The following PCDHGC4 variants were observed in gnomAD, a reference collection of about 807,000 sequenced individuals.
PCDHGC4 encodes the protein protocadherin gamma subfamily C, 4.
A neutral mutation model predicts 59.7 loss-of-function variants in PCDHGC4; 15 were observed. The ratio of observed to expected loss-of-function variants is 0.25; its 90% CI spans 0.17 to 0.39. PCDHGC4 has a LOEUF of 0.39. PCDHGC4 is among the 10% of genes least tolerant of loss of function. The pLI is 1.00. For synonymous variants in PCDHGC4, 434 were observed against 481.4 expected, an observed-to-expected ratio of 0.90 and a Z score of 1.29; for missense variants, 1,016 against 1,189.5, an observed-to-expected ratio of 0.85 and a Z score of 2.15.
chr5:141,486,803 C>T lies in PCDHGC4; in HGVS notation c.1630C>T (p.Pro544Ser). 1 of 1,614,228 alleles carries T rather than the reference C, an allele frequency of 6.2e-7. No homozygotes were observed. Among genetic ancestry groups the T allele is most frequent in the South Asian group, 1.1e-5 (1 of 91,084 alleles). ...GCAGGCCCGGGATCGGGGCAACCCACCCCTTAGCAGCACTGTAACAGTTCG... is the reference window on the plus strand; with the variant it reads ...GCAGGCCCGGGATCGGGGCAACCCATCCCTTAGCAGCACTGTAACAGTTCG... ...EVQARDRGNP[P>S]LSSTVTVRLF... Residue 544 changes from proline to serine, a missense_variant, in exon 1 of 4, where the codon CCC (proline) becomes TCC (serine). Coordinates refer to ENST00000306593, the MANE Select transcript of PCDHGC4 (RefSeq NM_018928.3). The surrounding 1 kb of genome is among the most constrained non-coding windows in gnomAD (Gnocchi z 5.0).
chr5:141,507,196 CCAGAT>C (rs2099859095), intron 3 of PCDHGC4: 1 of 152,374 alleles, frequency 6.6e-6, no homozygotes, highest in Non-Finnish European at 1.5e-5. Context: ...CTTTATTCTT[CCAGAT>C]CAGGGTTGCC....
rs2099884060 is a variant in PCDHGC4 at position 141,512,057 on chromosome 5, A to T, written c.*884A>T. 1 of 152,768 alleles carries T rather than the reference A, an allele frequency of 6.5e-6. No individual in the cohort carries two copies. Among genetic ancestry groups the T allele is most frequent in the South Asian group, 2.1e-4 (1 of 4,832 alleles). 9.5% of individuals were successfully genotyped at this position (152,768 alleles called of 1,614,324 possible). ...GGCTCTGTATGTCCTCAGGGGACTG[A>T]CAACATCCTCCAGATTCCAGCCATA... is the stretch of plus-strand genomic sequence containing the variant. On this transcript the variant is annotated 3_prime_UTR_variant, in exon 4 of 4. Coordinates refer to ENST00000306593, the MANE Select transcript of PCDHGC4 (RefSeq NM_018928.3).
intron 3 of PCDHGC4, chr5:141,507,000 TGA>T (rs1235660361): frequency 1.3e-5 from 2 of 152,218 alleles, no homozygotes; most frequent in African/African-American, 4.8e-5. Flanking sequence ...ACTCGACAGA[TGA>T]GAGAACCGAG....
rs377060474 is a variant in PCDHGC4, at chr5:141,487,810, C to A, written c.2442+195C>A. The A allele has an allele frequency of 7.4e-4, 1,055 of 1,417,844 alleles. 13 individuals carry two copies. In the South Asian group the frequency reaches 0.013, roughly 17 times the overall value. The allele number at this position is 1,417,844 out of a possible 1,614,324, so 87.8% of individuals were successfully genotyped here. A position where few individuals can be genotyped will look rare whatever the true frequency, so the allele number is the denominator to read the frequency against. ...ATTAACCAGAGTTGTCACAGTTTAG[C>A]ATTGGGGGCGGGTCATGCCTATATC... On this transcript the variant is annotated intron_variant, in intron 1 of 3. Transcript: ENST00000306593. The surrounding 1 kb of genome is among the most constrained non-coding windows in gnomAD (Gnocchi z 5.0).
At position 141,490,341 on chromosome 5, in the gene PCDHGC4, A is replaced by C. The variant is rs778299384; in HGVS notation, c.2442+2726A>C. ...TCCTAGAGAGCACACCAGTGGGCACAGTAGTGGGGTTGTTTAATGTGCGAG... is the reference window on the plus strand; with the variant it reads ...TCCTAGAGAGCACACCAGTGGGCACCGTAGTGGGGTTGTTTAATGTGCGAG... On this transcript the variant is annotated intron_variant, in intron 1 of 3. Coordinates refer to ENST00000306593, the MANE Select transcript of PCDHGC4 (RefSeq NM_018928.3). This position sits in a 1 kb window ranked among gnomAD's most constrained non-coding sequence, Gnocchi z 5.4. The C allele has an allele frequency of 5.0e-6, 8 of 1,614,204 alleles. No homozygotes were observed. The South Asian group carries it at 8.8e-5, about 18-fold the overall frequency.
intron 3 of PCDHGC4, 40 bp downstream of exon 3, chr5:141,505,521 T>C: frequency 1.9e-6 from 3 of 1,612,684 alleles, no homozygotes; most frequent in Non-Finnish European, 2.5e-6. Context: ...GTGGGAGACC[T>C]GGGGTTCTGG....
Position 141,486,494 on chromosome 5 carries a change from A to G in PCDHGC4, c.1321A>G (p.Ile441Val), listed in dbSNP as rs375607204. 9.3e-6 allele frequency: 15 copies of G among 1,614,058 alleles called. No individual in the cohort carries two copies. The highest frequency in any genetic ancestry group is 1.3e-5 in the Non-Finnish European group (15 of 1,179,958). ...GNPPLSTHRTIFLNISDVNDN... is the reference protein window; with the variant it reads ...GNPPLSTHRTVFLNISDVNDN... ...CCCTCCTCTCAGTACCCACAGAACT[A>G]TTTTCCTCAATATTTCAGATGTGAA... Residue 441 changes from isoleucine to valine, a missense_variant, in exon 1 of 4, where the codon ATT (isoleucine) becomes GTT (valine). Physicochemically the swap from Ile to Val is conservative, Grantham distance 29 (BLOSUM62 3). Transcript: ENST00000306593. The surrounding 1 kb of genome is among the most constrained non-coding windows in gnomAD (Gnocchi z 5.0).
chr5:141,489,174 C>A lies in PCDHGC4; in HGVS notation c.2442+1559C>A. On this transcript the variant is annotated intron_variant, in intron 1 of 3. Coordinates refer to ENST00000306593, the MANE Select transcript of PCDHGC4 (RefSeq NM_018928.3). The surrounding 1 kb of genome is among the most constrained non-coding windows in gnomAD (Gnocchi z 4.5). ...ATAAGAGACTTCAGCTGCTGCATTC[C>A]AAGCCCTGGGTCTACCTTGGAGACA... The A allele has an allele frequency of 8.2e-7, 1 of 1,224,772 alleles. No individual in the cohort carries two copies. 75.9% of individuals were successfully genotyped at this position (1,224,772 alleles called of 1,614,324 possible).
At position 141,512,091 on chromosome 5, in the gene PCDHGC4, A is replaced by C. The variant is rs1329025049; in HGVS notation, c.*918A>C. On this transcript the variant is annotated 3_prime_UTR_variant, in exon 4 of 4. Transcript: ENST00000306593. The stretch of plus-strand genomic sequence containing the variant: ...TCCAGATTCCAGCCATAAACCAATA[A>C]CTAGGCTGGACCCTTCCCACTACAT... 1 of 152,656 alleles carries C rather than the reference A, an allele frequency of 6.6e-6. No homozygotes were observed. The highest frequency in any genetic ancestry group is 2.4e-5 in the African/African-American group (1 of 41,456). 9.5% of individuals were successfully genotyped at this position (152,656 alleles called of 1,614,324 possible). A position where few individuals can be genotyped will look rare whatever the true frequency, so the allele number is the denominator to read the frequency against.
At chr5:141,502,914 T>G (rs78646636) in intron 2 of PCDHGC4, among the ~76,000 whole-genome samples, 4,865 of 139,540 alleles carry the variant, frequency 0.035, 119 homozygotes, top group South Asian at 0.075. Flanking sequence ...CAGGCTGGAG[T>G]GCAGTGGCAA....
rs752604165 is a variant in PCDHGC4, at chr5:141,494,771, G to A, written c.2443-36G>A. On this transcript the variant is annotated intron_variant, in intron 1 of 3. Coordinates refer to ENST00000306593, the MANE Select transcript of PCDHGC4 (RefSeq NM_018928.3). ...CTCGGGTGACATTCTAACTTCTCAC[G>A]GGTACTCAGCCCCTTTCCCTCTGTT... 74 of 1,613,730 alleles carry A rather than the reference G, an allele frequency of 4.6e-5. No homozygotes were observed. The East Asian group carries it at 1.6e-3, about 36-fold the overall frequency.
chr5:141,501,290 T>TACACATAC (rs1224133816), intron 2 of PCDHGC4, among the ~76,000 whole-genome samples: 1,510 of 136,196 alleles, frequency 0.011, 8 homozygotes, highest in Admixed American at 0.014. Flanking sequence ...TATTCCCTTA[T>TACACATAC]ACACACACAC....
rs1004089667 is a variant in PCDHGC4, at chr5:141,497,399, C to G, written c.2501+2534C>G. The stretch of plus-strand genomic sequence containing the variant: ...TGGGGTGAGCACCTTACCCCTGCCT[C>G]AACTCCCATTCCATCAAATGAGAGG... On this transcript the variant is annotated intron_variant, in intron 2 of 3. Coordinates refer to ENST00000306593, the MANE Select transcript of PCDHGC4 (RefSeq NM_018928.3). Among the ~76,000 whole-genome samples the G allele has an allele frequency of 5.9e-5, 9 of 152,146 alleles. 1 individual carries two copies. The highest frequency in any genetic ancestry group is 1.2e-4 in the Non-Finnish European group (8 of 68,034).
rs1594666821 is a variant in PCDHGC4, at chr5:141,487,316, T to C, written c.2143T>C (p.Cys715Arg). 6.2e-7 allele frequency: 1 copy of C among 1,614,164 alleles called. No individual in the cohort carries two copies. Among genetic ancestry groups the C allele is most frequent in the South Asian group, 1.1e-5 (1 of 91,080 alleles). Residue 715 changes from cysteine (C) to arginine (R), a missense_variant, in exon 1 of 4, where the codon TGT becomes CGT. Physicochemically the swap from Cys to Arg is radical, Grantham distance 180 (BLOSUM62 -3). Coordinates refer to ENST00000306593, the MANE Select transcript of PCDHGC4 (RefSeq NM_018928.3). This position sits in a 1 kb window ranked among gnomAD's most constrained non-coding sequence, Gnocchi z 5.0. ...CTCATTCGTGGCACTACTCTCTAAG[T>C]GTCTTCGTGGGGCAGCCTGTGGAGT... is the stretch of plus-strand genomic sequence containing the variant. ...FGSFVALLSK[C>R]LRGAACGVTC...
chr5:141,499,029 A>AAGGAAGGAAGGAAGGAAGG (rs1562187768), intron 2 of PCDHGC4, among the ~76,000 whole-genome samples: 3 of 140,076 alleles, frequency 2.1e-5, no homozygotes, highest in African/African-American at 8.3e-5. Flanking sequence ...AGGAAGGAAG[A>AAGGAAGGAAGGAAGGAAGG]AAAGAAAGAA....
At chr5:141,504,959 T>C (rs1297800554) in intron 2 of PCDHGC4, among the ~76,000 whole-genome samples, 2 of 152,038 alleles carry the variant, frequency 1.3e-5, no homozygotes, top group Non-Finnish European at 2.9e-5. Flanking sequence ...GTTCAATGCA[T>C]TGGACCAGCC....
chr5:141,499,572 T>C (rs2099792782), intron 2 of PCDHGC4, among the ~76,000 whole-genome samples: 1 of 152,178 alleles, frequency 6.6e-6, no homozygotes, highest in Admixed American at 6.5e-5. Flanking sequence ...CAGCTTCAAC[T>C]AATGCCTTAT....
Position 141,490,943 on chromosome 5 carries a change from G to A in PCDHGC4, c.2442+3328G>A, listed in dbSNP as rs1035375216. The A allele has an allele frequency of 6.8e-6, 11 of 1,613,470 alleles. No homozygotes were observed. The East Asian group carries it at 1.1e-4, about 16-fold the overall frequency. On this transcript the variant is annotated intron_variant, in intron 1 of 3. Coordinates refer to ENST00000306593, the MANE Select transcript of PCDHGC4 (RefSeq NM_018928.3). This position sits in a 1 kb window ranked among gnomAD's most constrained non-coding sequence, Gnocchi z 5.4. Reference sequence around the variant, plus strand: ...AATGCCCCAGCTGTGCTGCACCCACGGCCAGACTGGGAACACTCAGCCCCC... The same window carrying A: ...AATGCCCCAGCTGTGCTGCACCCACAGCCAGACTGGGAACACTCAGCCCCC...
rs777761385 is a variant in PCDHGC4 at position 141,489,558 on chromosome 5, G to T, written c.2442+1943G>T. 1.1e-5 allele frequency: 17 copies of T among 1,614,130 alleles called. No homozygotes were observed. In the South Asian group the frequency reaches 1.8e-4, roughly 17 times the overall value. On this transcript the variant is annotated intron_variant, in intron 1 of 3. Coordinates refer to ENST00000306593, the MANE Select transcript of PCDHGC4 (RefSeq NM_018928.3). The surrounding 1 kb of genome is among the most constrained non-coding windows in gnomAD (Gnocchi z 4.5). Reference sequence around the variant, plus strand: ...CCAGCACCAGCTGCCTGCTGCCAGTGCAGGTGGTGACTGAACACCCCCTGG... The same window carrying T: ...CCAGCACCAGCTGCCTGCTGCCAGTTCAGGTGGTGACTGAACACCCCCTGG...
Sources: gnomAD v4.1 joint callset for allele counts (sites outside exome capture counted in the v4.1 genomes callset) on GRCh38, gnomAD v4.1.1 for gene constraint, Gnocchi (gnomAD v3.1) non-coding constraint, MANE v1.5 for transcripts, NCBI Gene and HGNC (gene_info 2026-07-23, HGNC 2026-07-21) for gene names.